EML6: variants seen among roughly 807,000 people sequenced by gnomAD.
The protein encoded by EML6 is echinoderm microtubule-associated protein-like 6.
In EML6, 154 loss-of-function variants were observed where a neutral mutation model predicts 240.1. That is an observed-to-expected ratio of 0.64 (90% CI 0.56 to 0.73). EML6 has a LOEUF of 0.73. Ranked by LOEUF, EML6 falls within the 30% of genes least tolerant of loss-of-function variation. The probability of loss-of-function intolerance (pLI) is 0.00; values close to 1 mark genes in which losing one functional copy is unlikely to be tolerated. For missense variants in EML6, 2,964 were observed against 2,474.6 expected, an observed-to-expected ratio of 1.20 and a Z score of -4.20; for synonymous variants, 1,148 against 899.0, an observed-to-expected ratio of 1.28 and a Z score of -4.95.
chr2:54,875,474 T>C (rs1165523863), intron 16 of EML6, among the ~76,000 whole-genome samples: 1 of 152,006 alleles, frequency 6.6e-6, no homozygotes, highest in Non-Finnish European at 1.5e-5. Context: ...TTTTGGGGGG[T>C]TTTATGGACA....
intron 7 of EML6, among the ~76,000 whole-genome samples, chr2:54,841,979 T>A (rs1234011619): frequency 6.6e-6 from 1 of 152,074 alleles, no homozygotes; most frequent in East Asian, 1.9e-4. Context: ...ATATACCCCT[T>A]CCCACCCACA....
chr2:54,949,828 G>C (rs1413327532), intron 29 of EML6, among the ~76,000 whole-genome samples: 1 of 152,230 alleles, frequency 6.6e-6, no homozygotes, highest in Non-Finnish European at 1.5e-5. Flanking sequence ...CTCGGAAGCT[G>C]CCTGGGACTT....
intron 3 of EML6, 133 bp from the exon 4 acceptor site, chr2:54,816,654 A>C (rs1668094461): frequency 1.5e-6 from 1 of 675,522 alleles, no homozygotes; most frequent in Admixed American, 2.6e-5. Flanking sequence ...TTTGGGGTTT[A>C]AGATGGGTTT....
rs150062470 is a variant in EML6, at chr2:54,723,765, G to C, written c.-526G>C. ...GATCCGGGACGCGCCGGTGGCGTCCGCTGGCAGCAGAGGTTAGAGGCAGAG... is the reference window on the plus strand; with the variant it reads ...GATCCGGGACGCGCCGGTGGCGTCCCCTGGCAGCAGAGGTTAGAGGCAGAG... On this transcript the variant is annotated 5_prime_UTR_variant, in exon 1 of 42. Transcript: ENST00000356458. 5 of 152,356 alleles carry C rather than the reference G, an allele frequency of 3.3e-5. No homozygotes were observed. Among genetic ancestry groups the C allele is most frequent in the African/African-American group, 1.2e-4 (5 of 41,466 alleles). The allele number at this position is 152,356 out of a possible 1,614,324, so 9.4% of individuals were successfully genotyped here.
intron 27 of EML6, 35 bp from the exon 28 acceptor site, chr2:54,928,590 C>G: frequency 6.4e-7 from 1 of 1,552,080 alleles, no homozygotes; most frequent in Non-Finnish European, 8.7e-7. Flanking sequence ...CCACTGCAAA[C>G]CAACTGGCTC....
chr2:54,956,851 G>A (rs1023058286), intron 32 of EML6, among the ~76,000 whole-genome samples: 5 of 152,108 alleles, frequency 3.3e-5, no homozygotes, highest in Admixed American at 2.0e-4. Flanking sequence ...AAGTTAAAGG[G>A]TAACAGGTTT....
intron 28 of EML6, among the ~76,000 whole-genome samples, chr2:54,928,988 G>GACATGAA (rs1450501910): frequency 6.6e-6 from 1 of 151,616 alleles, no homozygotes; most frequent in Non-Finnish European, 1.5e-5. Context: ...GACTTGAATA[G>GACATGAA]ACATGAAATT....
chr2:54,840,708 T>C (rs1669398642), intron 7 of EML6, among the ~76,000 whole-genome samples: 1 of 152,270 alleles, frequency 6.6e-6, no homozygotes, highest in Non-Finnish European at 1.5e-5. Context: ...TGCTCAGTAA[T>C]CTTTATTGAG....
chr2:54,789,587 C>T lies in EML6; in HGVS notation c.198-23645C>T, dbSNP rs77080534. On this transcript the variant is annotated intron_variant, in intron 2 of 41. Transcript: ENST00000356458. ...CTTTCCAAAGTAGACATGGGTGGGACGTAACTGGCCCACCTGATGTTGTCT... is the reference window on the plus strand; with the variant it reads ...CTTTCCAAAGTAGACATGGGTGGGATGTAACTGGCCCACCTGATGTTGTCT... Among the ~76,000 whole-genome samples the T allele has an allele frequency of 4.6e-3, 671 of 144,816 alleles. 2 individuals carry two copies. Among genetic ancestry groups the T allele is most frequent in the Non-Finnish European group, 7.8e-3 (519 of 66,268 alleles).
Position 54,970,152 on chromosome 2 carries a change from G to A in EML6, c.*57G>A. ...GCTGCTACCAGCCAGCAACTGCAGA[G>A]GCCATGCTGAGGTGCCTCCTTGCCA... is the stretch of plus-strand genomic sequence containing the variant. On this transcript the variant is annotated 3_prime_UTR_variant, in exon 42 of 42. Coordinates refer to ENST00000356458, the MANE Select transcript of EML6 (RefSeq NM_001039753.4). 1 of 1,536,072 alleles carries A rather than the reference G, an allele frequency of 6.5e-7. No individual in the cohort carries two copies. Among genetic ancestry groups the A allele is most frequent in the East Asian group, 2.4e-5 (1 of 40,848 alleles).
Position 54,962,698 on chromosome 2 carries a change from A to G in EML6, c.5144A>G (p.Asp1715Gly), listed in dbSNP as rs1287211264. ...ASNDGTARIWDLADKKLLNKV... is the reference protein window; with the variant it reads ...ASNDGTARIWGLADKKLLNKV... ...AACGATGGCACAGCCCGGATCTGGG[A>G]CCTGGCTGACAAGGTGAGGCCGACT... Residue 1715 changes from aspartate (D) to glycine (G), a missense_variant, in exon 36 of 42, where the codon GAC (aspartate) becomes GGC (glycine). Transcript: ENST00000356458. 6.7e-6 allele frequency: 10 copies of G among 1,489,404 alleles called. No homozygotes were observed. The highest frequency in any genetic ancestry group is 9.0e-6 in the Non-Finnish European group (10 of 1,116,248). The allele number at this position is 1,489,404 out of a possible 1,614,324, so 92.3% of individuals were successfully genotyped here. A position where few individuals can be genotyped will look rare whatever the true frequency, so the allele number is the denominator to read the frequency against.
chr2:54,889,311 TTG>T (rs1672328825), intron 17 of EML6, among the ~76,000 whole-genome samples: 18 of 151,900 alleles, frequency 1.2e-4, no homozygotes, highest in Admixed American at 1.2e-3. Flanking sequence ...TAAAATCAAA[TTG>T]TCTAACTCCA....
intron 2 of EML6, among the ~76,000 whole-genome samples, chr2:54,745,407 T>C (rs191879535): frequency 3.2e-4 from 48 of 152,162 alleles, no homozygotes; most frequent in Non-Finnish European, 1.0e-4. Context: ...AGACACTGAC[T>C]GAGTGCCTGC....
chr2:54,925,476 G>T lies in EML6; in HGVS notation c.3676-2837G>T, dbSNP rs1033628474. Among the ~76,000 whole-genome samples, 18 of 152,244 alleles carry T rather than the reference G, an allele frequency of 1.2e-4. 1 individual carries two copies. Among genetic ancestry groups the T allele is most frequent in the African/African-American group, 4.3e-4 (18 of 41,548 alleles). ...TCTTATTACCACCACAGAGCTCTGT[G>T]TCCAAAATTCAAGTTCCGTTTGTTG... On this transcript the variant is annotated intron_variant, in intron 26 of 41. Coordinates refer to ENST00000356458, the MANE Select transcript of EML6 (RefSeq NM_001039753.4).
intron 7 of EML6, among the ~76,000 whole-genome samples, chr2:54,841,492 T>G (rs947792790): frequency 2.0e-5 from 3 of 152,080 alleles, no homozygotes; most frequent in Admixed American, 2.0e-4. Flanking sequence ...CACAGTGAAG[T>G]GATTAAGATC....
chr2:54,804,465 A>G (rs1413058818), intron 2 of EML6, among the ~76,000 whole-genome samples: 5 of 152,254 alleles, frequency 3.3e-5, no homozygotes, highest in Admixed American at 2.0e-4. Context: ...CTGTAAGACT[A>G]GCCATGCTGA....
chr2:54,930,388 A>G (rs1199117347), intron 28 of EML6, among the ~76,000 whole-genome samples: 2 of 152,222 alleles, frequency 1.3e-5, no homozygotes. Flanking sequence ...GAAAGGTAGG[A>G]GGACTGATGA....
chr2:54,957,414 G>A (rs1237868573), intron 32 of EML6, among the ~76,000 whole-genome samples: 1 of 151,320 alleles, frequency 6.6e-6, no homozygotes, highest in African/African-American at 2.4e-5. Context: ...CTCTGGGAGC[G>A]GCTCTGTCAT....
intron 7 of EML6, among the ~76,000 whole-genome samples, chr2:54,839,366 A>T (rs1194695511): frequency 1.3e-5 from 2 of 152,224 alleles, no homozygotes; most frequent in Non-Finnish European, 2.9e-5. Flanking sequence ...CTAAGGAATG[A>T]GAGTGACCTG....
Sources: allele counts gnomAD v4.1 joint callset (sites outside exome capture counted in the v4.1 genomes callset), GRCh38; gene constraint gnomAD v4.1.1; transcripts MANE v1.5; gene names NCBI Gene and HGNC (gene_info 2026-07-23, HGNC 2026-07-21).